The following PTPRG variants were observed in gnomAD, a reference collection of about 807,000 sequenced individuals.
The protein encoded by PTPRG is protein tyrosine phosphatase receptor type G.
Under a neutral mutation model 165.3 loss-of-function variants are expected in PTPRG, and 102 were observed. That is an observed-to-expected ratio of 0.62 (90% CI 0.53 to 0.73). The LOEUF (loss-of-function observed/expected upper bound fraction) is 0.73. PTPRG is among the 30% of genes least tolerant of loss of function. PTPRG has a pLI of 0.00. For missense variants in PTPRG, 1,866 were observed against 1,861.4 expected, an observed-to-expected ratio of 1.00 and a Z score of -0.05; for synonymous variants, 675 against 669.5, an observed-to-expected ratio of 1.01 and a Z score of -0.13.
intron 2 of PTPRG, among the ~76,000 whole-genome samples, chr3:61,842,519 A>C (rs568688109): frequency 6.6e-6 from 1 of 152,260 alleles, no homozygotes; most frequent in African/African-American, 2.4e-5. Flanking sequence ...AAAGATATTG[A>C]AGGCCCACAT....
At chr3:62,076,755 AT>A (rs60323847) in intron 4 of PTPRG, among the ~76,000 whole-genome samples, 1 of 151,186 alleles carries the variant, frequency 6.6e-6, no homozygotes, top group South Asian at 2.1e-4. Context: ...CTAATTTTGT[AT>A]TTTTTGTAGG....
At chr3:62,188,065 G>C (rs1160505746) in intron 8 of PTPRG, among the ~76,000 whole-genome samples, 1 of 152,066 alleles carries the variant, frequency 6.6e-6, no homozygotes, top group East Asian at 1.9e-4. Context: ...GAGTTGTTGA[G>C]TAAAACACAA....
At chr3:61,600,174 ATAT>A (rs376097469) in intron 1 of PTPRG, among the ~76,000 whole-genome samples, 167 of 97,812 alleles carry the variant, frequency 1.7e-3, no homozygotes, top group Middle Eastern at 5.2e-3. Context: ...AAAAAAAAAA[ATAT>A]ATATATATAT....
At chr3:61,649,632 G>C (rs574259393) in intron 1 of PTPRG, among the ~76,000 whole-genome samples, 2 of 152,150 alleles carry the variant, frequency 1.3e-5, no homozygotes, top group African/African-American at 2.4e-5. Context: ...CAACACCTAC[G>C]TTTTGGAGGA....
At chr3:62,201,590 G>A (rs2106834393) in intron 11 of PTPRG, 36 bp downstream of exon 11, 2 of 1,599,338 alleles carry the variant, frequency 1.3e-6, no homozygotes, top group South Asian at 2.3e-5. Flanking sequence ...TGTCGTGGCT[G>A]GTTGTTAATT....
chr3:62,231,381 G>C (rs1469306100), intron 14 of PTPRG, 70 bp downstream of exon 14: 3 of 1,319,440 alleles, frequency 2.3e-6, no homozygotes, highest in Non-Finnish European at 2.0e-6. Flanking sequence ...TTTTTGTTTT[G>C]TTGCCATGGG....
chr3:61,590,868 C>T (rs1700552486), intron 1 of PTPRG, among the ~76,000 whole-genome samples: 1 of 152,070 alleles, frequency 6.6e-6, no homozygotes, highest in Non-Finnish European at 1.5e-5. Flanking sequence ...CCTGTAATCC[C>T]AGCACTTTGG....
intron 1 of PTPRG, among the ~76,000 whole-genome samples, chr3:61,585,101 C>T (rs139994857): frequency 1.8e-3 from 277 of 151,622 alleles, no homozygotes; most frequent in African/African-American, 6.4e-3. Flanking sequence ...GCCAACATGG[C>T]AAAACCCCAT....
chr3:61,821,531 TG>T (rs1297081092), intron 2 of PTPRG, among the ~76,000 whole-genome samples: 2 of 152,218 alleles, frequency 1.3e-5, no homozygotes, highest in African/African-American at 4.8e-5. Flanking sequence ...TAATCCTTTA[TG>T]GGAAATAGTA....
intron 1 of PTPRG, among the ~76,000 whole-genome samples, chr3:61,725,806 A>G (rs1332081716): frequency 6.6e-6 from 1 of 151,328 alleles, no homozygotes; most frequent in Admixed American, 6.6e-5. Flanking sequence ...GGCACATTTA[A>G]TCCTGAGGGC....
chr3:61,788,843 C>G (rs2034789307), intron 2 of PTPRG, among the ~76,000 whole-genome samples: 1 of 152,154 alleles, frequency 6.6e-6, no homozygotes, highest in Non-Finnish European at 1.5e-5. Context: ...TTAGAAATAA[C>G]AGAGGGCTGG....
chr3:61,564,029 C>T (rs1041907486), intron 1 of PTPRG, among the ~76,000 whole-genome samples: 1 of 152,246 alleles, frequency 6.6e-6, no homozygotes, highest in Non-Finnish European at 1.5e-5. Flanking sequence ...CCACTGGAGT[C>T]CTGCCTCTAC....
chr3:61,868,610 G>A (rs907993723), intron 2 of PTPRG, among the ~76,000 whole-genome samples: 3 of 152,080 alleles, frequency 2.0e-5, no homozygotes, highest in Non-Finnish European at 4.4e-5. Flanking sequence ...AGGTTTTGTT[G>A]GGCAAAGTGA....
chr3:61,881,038 A>G (rs1355944563), intron 2 of PTPRG, among the ~76,000 whole-genome samples: 1 of 148,132 alleles, frequency 6.8e-6, no homozygotes, highest in Non-Finnish European at 1.5e-5. Context: ...TCTTAATATC[A>G]TTTGTGGCCC....
chr3:62,184,668 C>G (rs547201718), intron 8 of PTPRG, among the ~76,000 whole-genome samples: 6 of 152,316 alleles, frequency 3.9e-5, no homozygotes, highest in African/African-American at 1.2e-4. Context: ...GCATCTCCCC[C>G]ACGGTCGTCT....
At chr3:62,226,389 T>C (rs1327889320) in intron 13 of PTPRG, among the ~76,000 whole-genome samples, 1 of 152,244 alleles carries the variant, frequency 6.6e-6, no homozygotes. Context: ...GCCAAAATCA[T>C]GTGAAAGAAA....
At chr3:61,698,584 G>A (rs1030511633) in intron 1 of PTPRG, among the ~76,000 whole-genome samples, 2 of 152,126 alleles carry the variant, frequency 1.3e-5, no homozygotes, top group African/African-American at 2.4e-5. Context: ...TAATCCTTAC[G>A]TAGCAGTGGT....
At chr3:61,709,627 A>G (rs1383022554) in intron 1 of PTPRG, among the ~76,000 whole-genome samples, 1 of 152,148 alleles carries the variant, frequency 6.6e-6, no homozygotes, top group Non-Finnish European at 1.5e-5. Context: ...AAATGGTTGC[A>G]TTTTAAATGG....
At chr3:61,832,275 A>C (rs2036318996) in intron 2 of PTPRG, among the ~76,000 whole-genome samples, 1 of 152,260 alleles carries the variant, frequency 6.6e-6, no homozygotes, top group Non-Finnish European at 1.5e-5. Context: ...AAATGGAGTT[A>C]GAATATTGAA....
Sources: gnomAD v4.1 joint callset for allele counts (sites outside exome capture counted in the v4.1 genomes callset) on GRCh38, gnomAD v4.1.1 for gene constraint, MANE v1.5 for transcripts, NCBI Gene and HGNC (gene_info 2026-07-23, HGNC 2026-07-21) for gene names.